Variants in RNMT observed in about 807,000 individuals in gnomAD.
The protein encoded by RNMT is mRNA cap guanine-N(7) methyltransferase.
RNMT carries 27 observed loss-of-function variants against 56.0 expected under a neutral mutation model. The ratio of observed to expected loss-of-function variants is 0.48; its 90% CI spans 0.36 to 0.67. RNMT has a LOEUF of 0.67. Among genes scored for constraint, RNMT ranks in the 30% least tolerant of loss-of-function variants. RNMT has a pLI of 0.00. For missense variants in RNMT, 519 were observed against 552.1 expected (o/e 0.94, Z 0.60); for synonymous variants, 184 against 176.2 (o/e 1.04, Z -0.35).
chr18:13,760,751 C>T lies in RNMT; in HGVS notation c.*772C>T. The T allele has an allele frequency of 1.0e-6, 1 of 985,244 alleles. No homozygotes were observed. Among genetic ancestry groups the T allele is most frequent in the Non-Finnish European group, 1.2e-6 (1 of 829,792 alleles). 61.0% of individuals were successfully genotyped at this position (985,244 alleles called of 1,614,324 possible). ...TTTTTCTCAAAATTTAGTGAAAATC[C>T]CTCCCATGTAGACATGTTGCACATT... is the stretch of plus-strand genomic sequence containing the variant. On this transcript the variant is annotated 3_prime_UTR_variant, in exon 12 of 12. Transcript: ENST00000383314.
Position 13,761,210 on chromosome 18 carries a change from T to G in RNMT, c.*1231T>G, listed in dbSNP as rs984596081. 62 of 985,346 alleles carry G rather than the reference T, an allele frequency of 6.3e-5. No homozygotes were observed. Among genetic ancestry groups the G allele is most frequent in the African/African-American group, 7.0e-5 (4 of 57,242 alleles). The allele number at this position is 985,346 out of a possible 1,614,324, so 61.0% of individuals were successfully genotyped here. ...AACTTTTTAGCAAGAAAATATGGAT[T>G]TCCTCATTTCAGTTCCTTCTGCAGC... On this transcript the variant is annotated 3_prime_UTR_variant, in exon 12 of 12. Transcript: ENST00000383314.
chr18:13,731,233 C>T (rs1413381290), intron 2 of RNMT, among the ~76,000 whole-genome samples: 3 of 152,044 alleles, frequency 2.0e-5, no homozygotes, highest in Non-Finnish European at 4.4e-5. Context: ...GTGGGGAAAT[C>T]GCGTCTCAGC....
intron 4 of RNMT, among the ~76,000 whole-genome samples, chr18:13,734,914 G>A (rs965316385): frequency 1.3e-5 from 2 of 152,090 alleles, no homozygotes; most frequent in Non-Finnish European, 2.9e-5. Context: ...TCAAGAAATA[G>A]GCAGTGTCTT....
At chr18:13,737,240 G>A in intron 5 of RNMT, 105 bp downstream of exon 5, 2 of 1,058,558 alleles carry the variant, frequency 1.9e-6, no homozygotes, top group Non-Finnish European at 2.7e-6. Context: ...GCATGAGATG[G>A]GTTTTTTTTA....
Position 13,761,767 on chromosome 18 carries a change from G to T in RNMT, c.*1788G>T, listed in dbSNP as rs1192692601. 2 of 1,207,524 alleles carry T rather than the reference G, an allele frequency of 1.7e-6. No homozygotes were observed. Among genetic ancestry groups the T allele is most frequent in the Non-Finnish European group, 2.1e-6 (2 of 965,392 alleles). 74.8% of individuals were successfully genotyped at this position (1,207,524 alleles called of 1,614,324 possible). On this transcript the variant is annotated 3_prime_UTR_variant, in exon 12 of 12. Transcript: ENST00000383314. Reference sequence around the variant, plus strand: ...GCTTACTGGAGCCACACCTGCAGGCGCTGTGTTCAGGCACCACCTTCCTCC... The same window carrying T: ...GCTTACTGGAGCCACACCTGCAGGCTCTGTGTTCAGGCACCACCTTCCTCC...
intron 9 of RNMT, among the ~76,000 whole-genome samples, chr18:13,748,752 T>C (rs1214988657): frequency 6.6e-6 from 1 of 152,156 alleles, no homozygotes; most frequent in Non-Finnish European, 1.5e-5. Flanking sequence ...GAAAAGTAAC[T>C]CCTTTTAGAG....
At position 13,742,809 on chromosome 18, in the gene RNMT, AAAC is replaced by A. The variant is rs2044273918; in HGVS notation, c.1139+160_1139+162del. 3 of 559,944 alleles carry A rather than the reference AAAC, an allele frequency of 5.4e-6. No individual in the cohort carries two copies. In the African/African-American group the frequency reaches 5.9e-5, roughly 11 times the overall value. The allele number at this position is 559,944 out of a possible 1,614,324, so 34.7% of individuals were successfully genotyped here. ...TTTGTGTTTTTAAAAAAAAAAAACA[AAAC>A]AAGACTAGCTTCACATCTAGGGGAT... On this transcript the variant is annotated intron_variant, in intron 8 of 11. Coordinates refer to ENST00000383314, the MANE Select transcript of RNMT (RefSeq NM_003799.3).
At position 13,762,546 on chromosome 18, in the gene RNMT, T is replaced by A. The variant is rs1462583441; in HGVS notation, c.*2567T>A. The A allele has an allele frequency of 4.8e-6, 1 of 206,728 alleles. No individual in the cohort carries two copies. The highest frequency in any genetic ancestry group is 2.4e-5 in the African/African-American group (1 of 42,354). 12.8% of individuals were successfully genotyped at this position (206,728 alleles called of 1,614,324 possible). On this transcript the variant is annotated 3_prime_UTR_variant, in exon 12 of 12. Transcript: ENST00000383314. ...GAAAACATTGGGTGGAGACTCTCAC[T>A]TATGTTAATGCAATCTTGAAATGAC...
At chr18:13,727,321 C>A (rs1463553213) in intron 1 of RNMT, among the ~76,000 whole-genome samples, 3 of 152,196 alleles carry the variant, frequency 2.0e-5, no homozygotes, top group African/African-American at 7.2e-5. Flanking sequence ...TCGAAATGTT[C>A]GTGTGGTTAT....
At chr18:13,754,248 A>G in intron 11 of RNMT, 101 bp downstream of exon 11, 1 of 697,696 alleles carries the variant, frequency 1.4e-6, no homozygotes, top group Non-Finnish European at 2.4e-6. Context: ...GGCTCACACC[A>G]GTACTCTCAG....
intron 9 of RNMT, among the ~76,000 whole-genome samples, chr18:13,751,165 A>G (rs1247484602): frequency 2.6e-5 from 4 of 152,242 alleles, no homozygotes; most frequent in Non-Finnish European, 4.4e-5. Flanking sequence ...AAAAGAAACT[A>G]TCATCAGAGT....
chr18:13,727,661 C>A (rs2043984046), intron 1 of RNMT, among the ~76,000 whole-genome samples: 1 of 152,154 alleles, frequency 6.6e-6, no homozygotes, highest in Non-Finnish European at 1.5e-5. Context: ...TTAACTGTGT[C>A]CACCCCACTG....
chr18:13,732,762 T>TTTTTTTTTTTTTTTTC (rs142277511), intron 3 of RNMT, among the ~76,000 whole-genome samples: 1 of 98,680 alleles, frequency 1.0e-5, no homozygotes. Context: ...TTTTTTTTTT[T>TTTTTTTTTTTTTTTTC]GGAGACAGAG....
intron 4 of RNMT, among the ~76,000 whole-genome samples, chr18:13,734,870 CATATTGTTGGTT>C (rs766078126): frequency 4.6e-5 from 7 of 152,092 alleles, no homozygotes; most frequent in Non-Finnish European, 1.0e-4. Flanking sequence ...GGAGCAACTG[CATATTGTTGGTT>C]AAACATTCAG....
chr18:13,752,417 G>A lies in RNMT; in HGVS notation c.1349G>A (p.Arg450Lys), dbSNP rs772494092. The A allele has an allele frequency of 6.3e-6, 10 of 1,595,342 alleles. No individual in the cohort carries two copies. The Middle Eastern group carries it at 6.6e-4, about 106-fold the overall frequency. ...AAKYMKNSQVRLPLGTLSKSE... is the reference protein window; with the variant it reads ...AAKYMKNSQVKLPLGTLSKSE... ...AAGTACATGAAGAACAGTCAAGTAA[G>A]GTTACCTTTGGTAAGTTTTAATTTA... The change falls in exon 10 of 12, where the codon AGG becomes AAG. Residue 450 changes from arginine (R) to lysine (K), a missense_variant. Transcript: ENST00000383314.
chr18:13,744,816 T>G (rs1235538324), intron 8 of RNMT, among the ~76,000 whole-genome samples: 1 of 152,174 alleles, frequency 6.6e-6, no homozygotes. Flanking sequence ...CACTCTTCCT[T>G]TAACTGCTGC....
chr18:13,740,124 G>A (rs1008505522), intron 5 of RNMT, 43 bp from the exon 6 acceptor site: 5 of 1,157,006 alleles, frequency 4.3e-6, no homozygotes, highest in Admixed American at 3.5e-5. Flanking sequence ...TAGATTTCTG[G>A]CATTCTGTGT....
chr18:13,758,460 T>G (rs2044577287), intron 11 of RNMT, among the ~76,000 whole-genome samples: 1 of 152,212 alleles, frequency 6.6e-6, no homozygotes. Flanking sequence ...TCTTGCACTT[T>G]TACATTATGA....
At chr18:13,737,220 C>T in intron 5 of RNMT, 85 bp downstream of exon 5, 2 of 1,248,940 alleles carry the variant, frequency 1.6e-6, no homozygotes, top group Non-Finnish European at 2.2e-6. Context: ...TGCAAGATAT[C>T]TGGGACTATG....
Sources: gnomAD v4.1 joint callset for allele counts (sites outside exome capture counted in the v4.1 genomes callset) on GRCh38, gnomAD v4.1.1 for gene constraint, MANE v1.5 for transcripts, NCBI Gene and HGNC (gene_info 2026-07-23, HGNC 2026-07-21) for gene names.